LHFPL3: variants seen among roughly 807,000 people sequenced by gnomAD.
LHFPL3 encodes LHFPL tetraspan subfamily member 3 protein.
LHFPL3 carries 5 observed loss-of-function variants against 19.3 expected under a neutral mutation model. That is an observed-to-expected ratio of 0.26 (90% CI 0.14 to 0.54). The LOEUF (loss-of-function observed/expected upper bound fraction) is 0.54. Among genes scored for constraint, LHFPL3 ranks in the 20% least tolerant of loss-of-function variants. The pLI, the probability that LHFPL3 is intolerant of heterozygous loss-of-function variation, is 0.94. For synonymous variants in LHFPL3, 133 were observed against 126.2 expected (o/e 1.05, Z -0.36); for missense variants, 249 against 307.4 (o/e 0.81, Z 1.42).
intron 2 of LHFPL3, among the ~76,000 whole-genome samples, chr7:104,827,585 C>T (rs1008446567): frequency 5.9e-5 from 9 of 151,516 alleles, no homozygotes; most frequent in African/African-American, 1.9e-4. Flanking sequence ...AGTATTTAAA[C>T]ACTGTCTCAA....
At chr7:104,468,977 C>T (rs1192005493) in intron 1 of LHFPL3, among the ~76,000 whole-genome samples, 1 of 152,096 alleles carries the variant, frequency 6.6e-6, no homozygotes, top group Non-Finnish European at 1.5e-5. Flanking sequence ...ACCTTTCTTA[C>T]CTTTAACCAT....
chr7:104,334,312 C>T (rs760069499), intron 1 of LHFPL3, among the ~76,000 whole-genome samples: 4 of 152,110 alleles, frequency 2.6e-5, no homozygotes, highest in African/African-American at 7.2e-5. Flanking sequence ...TTTGCGAGGC[C>T]AAGGCGGGCA....
rs1554415305 is a variant in LHFPL3, at chr7:104,614,653, C to CTTCTCTCCT, written c.446-122021_446-122020insTCTCTCCTT. 4.4e-3 allele frequency among the ~76,000 whole-genome samples: 225 copies of CTTCTCTCCT among 51,448 alleles called. 2 individuals carry two copies. The highest frequency in any genetic ancestry group is 9.9e-3 in the African/African-American group (166 of 16,824). The allele number at this position is 51,448 out of a possible 152,430, so 33.8% of individuals were successfully genotyped here. ...CTTCTCTTCTCTTCTCTTCTCTTCTCTCCTTCCTTCCTTCCTTCCTTCCTT... is the reference window on the plus strand; with the variant it reads ...CTTCTCTTCTCTTCTCTTCTCTTCTCTTCTCTCCTTCCTTCCTTCCTTCCTTCCTTCCTT... On this transcript the variant is annotated intron_variant, in intron 1 of 2. Coordinates refer to ENST00000424859, the MANE Select transcript of LHFPL3 (RefSeq NM_199000.3).
At chr7:104,777,242 C>T (rs1794650007) in intron 2 of LHFPL3, among the ~76,000 whole-genome samples, 1 of 152,226 alleles carries the variant, frequency 6.6e-6, no homozygotes, top group African/African-American at 2.4e-5. Context: ...AACAACTTCT[C>T]AAAGGGCAGT....
At chr7:104,756,552 T>G (rs1321355750) in intron 2 of LHFPL3, among the ~76,000 whole-genome samples, 1 of 152,218 alleles carries the variant, frequency 6.6e-6, no homozygotes, top group South Asian at 2.1e-4. Context: ...CAGGCTGAAG[T>G]GCAGTGGTGC....
At chr7:104,796,058 C>T (rs1790119773) in intron 2 of LHFPL3, among the ~76,000 whole-genome samples, 1 of 152,202 alleles carries the variant, frequency 6.6e-6, no homozygotes, top group African/African-American at 2.4e-5. Flanking sequence ...TCTCCACTGT[C>T]ACTCTTCAGC....
At chr7:104,696,794 G>T (rs538885542) in intron 1 of LHFPL3, among the ~76,000 whole-genome samples, 2 of 152,272 alleles carry the variant, frequency 1.3e-5, no homozygotes, top group Admixed American at 6.5e-5. Context: ...TGCGGAGTTG[G>T]ATTTTGAGTT....
At chr7:104,416,337 C>G (rs546981421) in intron 1 of LHFPL3, among the ~76,000 whole-genome samples, 3 of 152,134 alleles carry the variant, frequency 2.0e-5, no homozygotes, top group Non-Finnish European at 4.4e-5. Flanking sequence ...TTTCCAGCCT[C>G]CAGAACATTG....
At position 104,589,297 on chromosome 7, in the gene LHFPL3, G is replaced by A. The variant is rs1375625953; in HGVS notation, c.446-147378G>A. ...TTGAGATATGTTCCATCAATACCTA[G>A]TTTATTGAGAGTTTTTAGCATGAAG... On this transcript the variant is annotated intron_variant, in intron 1 of 2. Transcript: ENST00000424859. Among the ~76,000 whole-genome samples, 11 of 152,074 alleles carry A rather than the reference G, an allele frequency of 7.2e-5. No individual in the cohort carries two copies. In the South Asian group the frequency reaches 1.2e-3, roughly 17 times the overall value.
intron 1 of LHFPL3, among the ~76,000 whole-genome samples, chr7:104,589,515 G>C (rs150259038): frequency 1.0e-3 from 154 of 152,110 alleles, no homozygotes; most frequent in Non-Finnish European, 1.2e-3. Context: ...TCAGTTTGCC[G>C]GTATTTTTTT....
At chr7:104,631,066 T>C (rs932799460) in intron 1 of LHFPL3, among the ~76,000 whole-genome samples, 1 of 152,110 alleles carries the variant, frequency 6.6e-6, no homozygotes, top group Admixed American at 6.6e-5. Flanking sequence ...GAAAAGCTGT[T>C]CACAAGAAGG....
chr7:104,773,255 G>A (rs1794588353), intron 2 of LHFPL3, among the ~76,000 whole-genome samples: 1 of 152,230 alleles, frequency 6.6e-6, no homozygotes, highest in Non-Finnish European at 1.5e-5. Flanking sequence ...ACCAAGGACA[G>A]GCAGTGTGCC....
In LHFPL3 at chr7:104,559,134, T is replaced by C. The variant is rs950890157; in HGVS notation, c.446-177541T>C. On this transcript the variant is annotated intron_variant, in intron 1 of 2. Coordinates refer to ENST00000424859, the MANE Select transcript of LHFPL3 (RefSeq NM_199000.3). ...AGTGTGATGCCTCCAGCTTTGTTCT[T>C]TTGGCTTAGGATTGACTTGGCGATG... Among the ~76,000 whole-genome samples the C allele has an allele frequency of 7.7e-4, 111 of 144,094 alleles. 1 individual carries two copies. The highest frequency in any genetic ancestry group is 2.8e-3 in the African/African-American group (104 of 37,630). 94.5% of individuals were successfully genotyped at this position (144,094 alleles called of 152,430 possible).
At chr7:104,608,157 A>G (rs1791140679) in intron 1 of LHFPL3, among the ~76,000 whole-genome samples, 1 of 152,162 alleles carries the variant, frequency 6.6e-6, no homozygotes, top group South Asian at 2.1e-4. Context: ...TATATACCCA[A>G]AGGATTATAA....
chr7:104,780,834 A>G (rs4730046), intron 2 of LHFPL3, among the ~76,000 whole-genome samples: 150,477 of 152,316 alleles, frequency 0.99, 74,361 homozygotes, highest in East Asian at 1. Flanking sequence ...CAGACTCTGC[A>G]GTTACTTACC....
intron 1 of LHFPL3, among the ~76,000 whole-genome samples, chr7:104,385,462 G>C (rs1790920913): frequency 6.6e-6 from 1 of 152,210 alleles, no homozygotes; most frequent in South Asian, 2.1e-4. Context: ...TGACAGACTG[G>C]TTTTAAGCTA....
rs956827368 is a variant in LHFPL3 at position 104,605,727 on chromosome 7, A to T, written c.446-130948A>T. On this transcript the variant is annotated intron_variant, in intron 1 of 2. Coordinates refer to ENST00000424859, the MANE Select transcript of LHFPL3 (RefSeq NM_199000.3). ...CATATTTTTGGTATTCAGTTTACAG[A>T]TAACTTTCAAAAACATTCGTGTTGT... Among the ~76,000 whole-genome samples, 7 of 152,332 alleles carry T rather than the reference A, an allele frequency of 4.6e-5. No homozygotes were observed. The South Asian group carries it at 1.2e-3, about 27-fold the overall frequency.
chr7:104,584,882 A>G (rs1790535142), intron 1 of LHFPL3, among the ~76,000 whole-genome samples: 1 of 152,168 alleles, frequency 6.6e-6, no homozygotes, highest in South Asian at 2.1e-4. Context: ...ACCCAAATTT[A>G]CTAAGAACTG....
intron 1 of LHFPL3, among the ~76,000 whole-genome samples, chr7:104,672,477 T>C (rs1158468819): frequency 6.6e-6 from 1 of 151,976 alleles, no homozygotes. Context: ...GAGTAAGGAG[T>C]GAATTATATG....
Sources: allele counts gnomAD v4.1 joint callset (sites outside exome capture counted in the v4.1 genomes callset), GRCh38; gene constraint gnomAD v4.1.1; transcripts MANE v1.5; gene names NCBI Gene and HGNC (gene_info 2026-07-23, HGNC 2026-07-21).